Variants in CPED1 observed in about 807,000 individuals in gnomAD.
CPED1 encodes the protein cadherin-like and PC-esterase domain-containing protein 1.
CPED1 carries 114 observed loss-of-function variants against 128.2 expected under a neutral mutation model. That is an observed-to-expected ratio of 0.89 (90% CI 0.76 to 1.04). The LOEUF (loss-of-function observed/expected upper bound fraction) is 1.04. CPED1 is among the 50% of genes least tolerant of loss of function. The probability of loss-of-function intolerance (pLI) is 0.00; values close to 1 mark genes in which losing one functional copy is unlikely to be tolerated. For synonymous variants in CPED1, 462 were observed against 426.7 expected, an observed-to-expected ratio of 1.08 and a Z score of -1.02; for missense variants, 1,211 against 1,207.1, an observed-to-expected ratio of 1.00 and a Z score of -0.05.
intron 22 of CPED1, among the ~76,000 whole-genome samples, chr7:121,278,609 A>G (rs905302896): frequency 4.6e-5 from 7 of 152,160 alleles, no homozygotes; most frequent in Non-Finnish European, 8.8e-5. Context: ...GTGCTCATTC[A>G]ATCATCTGTA....
intron 16 of CPED1, among the ~76,000 whole-genome samples, chr7:121,178,752 C>A (rs1252246165): frequency 6.6e-6 from 1 of 152,020 alleles, no homozygotes; most frequent in African/African-American, 2.4e-5. Flanking sequence ...GAAGAGCTGA[C>A]CTTGTAGAGA....
At chr7:121,184,140 CA>C (rs35308653) in intron 16 of CPED1, among the ~76,000 whole-genome samples, 57 of 141,320 alleles carry the variant, frequency 4.0e-4, no homozygotes, top group Non-Finnish European at 4.6e-4. Flanking sequence ...GACTCTGTCT[CA>C]AAAAAAAAAA....
intron 10 of CPED1, 67 bp downstream of exon 10, chr7:121,127,324 T>C: frequency 1.0e-6 from 1 of 980,192 alleles, no homozygotes; most frequent in Admixed American, 2.5e-5. Context: ...TCATTCTCCT[T>C]ATTCTGCAAT....
intron 17 of CPED1, among the ~76,000 whole-genome samples, chr7:121,242,892 G>C (rs12532183): frequency 0.041 from 6,222 of 151,926 alleles, 409 homozygotes; most frequent in African/African-American, 0.14. Flanking sequence ...CAATCAGTAA[G>C]AGCCATAAAC....
chr7:121,034,250 T>TC (rs1554424882), intron 3 of CPED1, among the ~76,000 whole-genome samples: 6 of 141,526 alleles, frequency 4.2e-5, no homozygotes, highest in Non-Finnish European at 9.2e-5. Context: ...TTTTTTTCTT[T>TC]TTTTTTTTTT....
intron 16 of CPED1, among the ~76,000 whole-genome samples, chr7:121,161,403 C>A (rs1796409528): frequency 6.6e-6 from 1 of 152,156 alleles, no homozygotes; most frequent in South Asian, 2.1e-4. Context: ...TCCTTTTCAT[C>A]TCCTAAGCCA....
intron 6 of CPED1, 79 bp from the exon 7 acceptor site, chr7:121,099,847 C>T: frequency 6.9e-7 from 1 of 1,458,972 alleles, no homozygotes; most frequent in Non-Finnish European, 9.3e-7. Flanking sequence ...AAGCAGTTTA[C>T]AAAGCTTGTA....
intron 5 of CPED1, among the ~76,000 whole-genome samples, chr7:121,072,024 A>C (rs975445992): frequency 6.6e-6 from 1 of 151,994 alleles, no homozygotes; most frequent in Non-Finnish European, 1.5e-5. Context: ...TAATTCTGTC[A>C]CTTTCCCCAA....
chr7:121,111,554 T>A (rs192029797), intron 7 of CPED1, among the ~76,000 whole-genome samples: 1 of 152,262 alleles, frequency 6.6e-6, no homozygotes, highest in Admixed American at 6.5e-5. Context: ...TGTATTCAGA[T>A]AAGAAGGTGA....
chr7:121,005,691 C>A (rs187400942), intron 2 of CPED1, among the ~76,000 whole-genome samples: 2 of 151,936 alleles, frequency 1.3e-5, no homozygotes, highest in Non-Finnish European at 2.9e-5. Flanking sequence ...CTGTTATTCC[C>A]CATTTAAAAA....
chr7:121,210,389 C>T (rs1797615928), intron 16 of CPED1, among the ~76,000 whole-genome samples: 1 of 151,946 alleles, frequency 6.6e-6, no homozygotes. Context: ...TTCACTTTAG[C>T]CAGGATTTGA....
intron 2 of CPED1, among the ~76,000 whole-genome samples, chr7:120,991,171 A>C (rs756466210): frequency 3.3e-5 from 5 of 152,234 alleles, no homozygotes; most frequent in Admixed American, 2.0e-4. Flanking sequence ...AAAACAAGGA[A>C]AATTTTAAAC....
intron 16 of CPED1, among the ~76,000 whole-genome samples, chr7:121,148,655 G>A (rs1796081310): frequency 6.6e-6 from 1 of 152,148 alleles, no homozygotes; most frequent in Admixed American, 6.6e-5. Flanking sequence ...GGGAATTGGG[G>A]AAGAGAGATG....
chr7:121,033,547 G>A (rs1206643564), intron 3 of CPED1, among the ~76,000 whole-genome samples: 1 of 152,158 alleles, frequency 6.6e-6, no homozygotes, highest in Admixed American at 6.5e-5. Context: ...CAAAATGTGA[G>A]TGTTATCATT....
At chr7:121,248,131 C>T (rs559696668) in intron 18 of CPED1, among the ~76,000 whole-genome samples, 1 of 152,280 alleles carries the variant, frequency 6.6e-6, no homozygotes, top group South Asian at 2.1e-4. Context: ...CTGCAGTGTG[C>T]AGCTCAAGAG....
At chr7:121,086,165 G>C (rs1420161862) in intron 5 of CPED1, among the ~76,000 whole-genome samples, 1 of 152,120 alleles carries the variant, frequency 6.6e-6, no homozygotes, top group Admixed American at 6.6e-5. Context: ...CAGCCCAGCA[G>C]CCAATTTTAG....
intron 16 of CPED1, among the ~76,000 whole-genome samples, chr7:121,230,037 A>G (rs1798102393): frequency 6.6e-6 from 1 of 152,058 alleles, no homozygotes; most frequent in Non-Finnish European, 1.5e-5. Context: ...CAAGCAACAA[A>G]GGGAGTTTAA....
intron 4 of CPED1, among the ~76,000 whole-genome samples, chr7:121,060,740 G>T (rs964576825): frequency 1.3e-5 from 2 of 152,228 alleles, no homozygotes; most frequent in Non-Finnish European, 2.9e-5. Flanking sequence ...GGTGGGGCCA[G>T]ATAAGAGAAT....
intron 7 of CPED1, among the ~76,000 whole-genome samples, chr7:121,121,336 T>G (rs1216481247): frequency 3.3e-5 from 5 of 152,220 alleles, no homozygotes; most frequent in African/African-American, 1.2e-4. Flanking sequence ...GGATCAATGT[T>G]GTAAAAATGT....
Sources: gnomAD v4.1 joint callset for allele counts (sites outside exome capture counted in the v4.1 genomes callset) on GRCh38, gnomAD v4.1.1 for gene constraint, MANE v1.5 for transcripts, NCBI Gene and HGNC (gene_info 2026-07-23, HGNC 2026-07-21) for gene names.